SNX6: variants seen among roughly 807,000 people sequenced by gnomAD.
SNX6 encodes sorting nexin 6.
A neutral mutation model predicts 63.0 loss-of-function variants in SNX6; 34 were observed. The ratio of observed to expected loss-of-function variants is 0.54; its 90% CI spans 0.41 to 0.72. The LOEUF is 0.72. Among genes scored for constraint, SNX6 ranks in the 30% least tolerant of loss-of-function variants. SNX6 has a pLI of 0.00. For missense variants in SNX6, 398 were observed against 471.4 expected (o/e 0.84, Z 1.44); for synonymous variants, 170 against 164.2 (o/e 1.04, Z -0.27).
At chr14:34,609,152 C>A (rs1160206431) in intron 3 of SNX6, among the ~76,000 whole-genome samples, 3 of 151,454 alleles carry the variant, frequency 2.0e-5, no homozygotes, top group African/African-American at 7.3e-5. Context: ...TTAAATTTGC[C>A]TTCTGTCTAG....
intron 8 of SNX6, among the ~76,000 whole-genome samples, chr14:34,590,751 C>G (rs192096827): frequency 6.6e-5 from 10 of 152,190 alleles, no homozygotes; most frequent in Non-Finnish European, 1.3e-4. Context: ...CATTCTACTT[C>G]TAGGTATTAC....
chr14:34,572,884 G>A (rs541386458), intron 11 of SNX6, among the ~76,000 whole-genome samples: 1 of 152,012 alleles, frequency 6.6e-6, no homozygotes, highest in Non-Finnish European at 1.5e-5. Flanking sequence ...GGGTTTCACT[G>A]TGTTAGCCAG....
chr14:34,593,064 T>G lies in SNX6; in HGVS notation c.699A>C (p.Arg233Ser). 1 of 1,599,496 alleles carries G rather than the reference T, an allele frequency of 6.3e-7. No individual in the cohort carries two copies. The highest frequency in any genetic ancestry group is 1.3e-5 in the African/African-American group (1 of 74,378). The stretch of plus-strand genomic sequence containing the variant: ...TCTTACTTTTGTGGGATCTTGTCAT[T>G]CTATCAGATTTAGCAGATGCATCCT... ...RVKDASAKSDRMTRSHKSAAD... is the reference protein window; with the variant it reads ...RVKDASAKSDSMTRSHKSAAD... The change falls in exon 8 of 14, where the codon AGA becomes AGC. Residue 233 changes from arginine to serine, a missense_variant. Physicochemically the swap from Arg to Ser is moderately radical, Grantham distance 110 (BLOSUM62 -1). Transcript: ENST00000362031.
At chr14:34,615,186 T>A (rs1290072056) in intron 2 of SNX6, among the ~76,000 whole-genome samples, 3 of 152,172 alleles carry the variant, frequency 2.0e-5, no homozygotes, top group African/African-American at 7.2e-5. Context: ...ATATAAAATA[T>A]CCCTGTACTA....
chr14:34,580,713 G>A (rs1266999571), intron 10 of SNX6, among the ~76,000 whole-genome samples: 4 of 150,172 alleles, frequency 2.7e-5, no homozygotes, highest in East Asian at 3.9e-4. Context: ...AGGATGGAGT[G>A]CAGATGCACG....
In SNX6 at chr14:34,562,702, C is replaced by G. The variant is rs1186400702; in HGVS notation, c.*420G>C. 1 of 154,142 alleles carries G rather than the reference C, an allele frequency of 6.5e-6. No homozygotes were observed. The highest frequency in any genetic ancestry group is 1.8e-4 in the East Asian group (1 of 5,498). 9.5% of individuals were successfully genotyped at this position (154,142 alleles called of 1,614,324 possible). A position where few individuals can be genotyped will look rare whatever the true frequency, so the allele number is the denominator to read the frequency against. On this transcript the variant is annotated 3_prime_UTR_variant, in exon 14 of 14. Coordinates refer to ENST00000362031, the MANE Select transcript of SNX6 (RefSeq NM_152233.4). The stretch of plus-strand genomic sequence containing the variant: ...CTAAGGTGGTATATGCTTTTAAAAA[C>G]AAAATTTAAAAAATTCAAAAAAGGC...
chr14:34,584,930 G>A (rs1258419513), intron 9 of SNX6, among the ~76,000 whole-genome samples: 1 of 151,676 alleles, frequency 6.6e-6, no homozygotes, highest in Non-Finnish European at 1.5e-5. Context: ...TCGGCTCAAC[G>A]CAACCTTCGT....
intron 13 of SNX6, among the ~76,000 whole-genome samples, chr14:34,565,406 C>A (rs1025735848): frequency 4.0e-5 from 6 of 151,736 alleles, no homozygotes; most frequent in Non-Finnish European, 8.8e-5. Context: ...AAAAAAAAAA[C>A]CCAACCATTT....
chr14:34,610,074 T>C (rs1013560880), intron 2 of SNX6, among the ~76,000 whole-genome samples: 2 of 151,972 alleles, frequency 1.3e-5, no homozygotes, highest in Non-Finnish European at 2.9e-5. Flanking sequence ...CCAGATGTGA[T>C]GGCTCATGTC....
At chr14:34,598,411 G>T (rs1882682735) in intron 6 of SNX6, among the ~76,000 whole-genome samples, 1 of 152,108 alleles carries the variant, frequency 6.6e-6, no homozygotes, top group South Asian at 2.1e-4. Context: ...TTTTTTTTGA[G>T]ACACTGTCTC....
chr14:34,610,211 T>C (rs1457130337), intron 2 of SNX6, among the ~76,000 whole-genome samples: 2 of 142,494 alleles, frequency 1.4e-5, no homozygotes, highest in African/African-American at 5.5e-5. Flanking sequence ...GAAAAGAAAA[T>C]AGCCAGATAT....
Position 34,563,183 on chromosome 14 carries a change from A to C in SNX6, c.1168-8T>G, listed in dbSNP as rs771695929. Reference sequence around the variant, plus strand: ...CAGCAACTGTAGATTACCCTAAAAAAGGAAGAAAAAATAAATTACAAATTT... The same window carrying C: ...CAGCAACTGTAGATTACCCTAAAAACGGAAGAAAAAATAAATTACAAATTT... On this transcript the variant is annotated splice_polypyrimidine_tract_variant and splice_region_variant and intron_variant, in intron 13 of 13. Coordinates refer to ENST00000362031, the MANE Select transcript of SNX6 (RefSeq NM_152233.4). 24 of 1,611,896 alleles carry C rather than the reference A, an allele frequency of 1.5e-5. No homozygotes were observed. In the Admixed American group the frequency reaches 1.7e-4, roughly 11 times the overall value.
At chr14:34,607,725 T>C (rs887479608) in intron 4 of SNX6, among the ~76,000 whole-genome samples, 2 of 152,208 alleles carry the variant, frequency 1.3e-5, no homozygotes, top group Non-Finnish European at 1.5e-5. Flanking sequence ...CTGGCCAACA[T>C]GGTGAAACCC....
intron 2 of SNX6, among the ~76,000 whole-genome samples, chr14:34,627,263 G>A (rs1409348981): frequency 1.3e-5 from 2 of 152,020 alleles, no homozygotes; most frequent in Non-Finnish European, 2.9e-5. Flanking sequence ...TGGCTAACAC[G>A]GTGAAACCCC....
chr14:34,604,915 C>A (rs567871884), intron 5 of SNX6, among the ~76,000 whole-genome samples: 1 of 151,670 alleles, frequency 6.6e-6, no homozygotes, highest in African/African-American at 2.4e-5. Flanking sequence ...AAGTGATACT[C>A]AACCTGTACA....
chr14:34,582,919 G>C (rs1882000401), intron 9 of SNX6, among the ~76,000 whole-genome samples: 1 of 152,050 alleles, frequency 6.6e-6, no homozygotes, highest in African/African-American at 2.4e-5. Context: ...TTTGAGACTA[G>C]TCTGGGCAAC....
intron 13 of SNX6, among the ~76,000 whole-genome samples, chr14:34,563,587 A>G (rs933585882): frequency 1.3e-5 from 2 of 151,180 alleles, no homozygotes; most frequent in East Asian, 3.9e-4. Flanking sequence ...AAAAAAAAAT[A>G]TAGTGTTAGA....
chr14:34,571,350 G>A (rs769055558), intron 11 of SNX6, among the ~76,000 whole-genome samples: 15 of 152,010 alleles, frequency 9.9e-5, no homozygotes, highest in Admixed American at 2.0e-4. Context: ...GGAGAATGGC[G>A]TGAACATGGG....
intron 8 of SNX6, among the ~76,000 whole-genome samples, chr14:34,589,409 G>A (rs1474107216): frequency 2.0e-5 from 3 of 152,088 alleles, no homozygotes. Context: ...CTGAGATCAC[G>A]CCACTCACTC....
Sources: gnomAD v4.1 joint callset for allele counts (sites outside exome capture counted in the v4.1 genomes callset) on GRCh38, gnomAD v4.1.1 for gene constraint, MANE v1.5 for transcripts, NCBI Gene and HGNC (gene_info 2026-07-23, HGNC 2026-07-21) for gene names.